LARGE1: variants seen among roughly 807,000 people sequenced by gnomAD.
LARGE1 encodes LARGE xylosyl- and glucuronyltransferase 1.
Under a neutral mutation model 87.6 loss-of-function variants are expected in LARGE1, and 43 were observed. That is an observed-to-expected ratio of 0.49 (90% confidence interval 0.38 to 0.63). The LOEUF (loss-of-function observed/expected upper bound fraction) is 0.63, where lower values mean the gene tolerates loss of function less well. Among genes scored for constraint, LARGE1 ranks in the 30% least tolerant of loss-of-function variants. The pLI, the probability that LARGE1 is intolerant of heterozygous loss-of-function variation, is 0.00. For synonymous variants in LARGE1, 434 were observed against 394.6 expected, an observed-to-expected ratio of 1.10 and a Z score of -1.18; for missense variants, 802 against 1,000.2, an observed-to-expected ratio of 0.80 and a Z score of 2.67.
chr22:33,484,581 C>T (rs2069483391), intron 6 of LARGE1, among the ~76,000 whole-genome samples: 1 of 152,212 alleles, frequency 6.6e-6, no homozygotes, highest in Admixed American at 6.5e-5. Flanking sequence ...AACTAGAATT[C>T]TGGCCTCCAT....
chr22:33,551,071 G>A (rs1202830284), intron 6 of LARGE1, among the ~76,000 whole-genome samples: 2 of 152,102 alleles, frequency 1.3e-5, no homozygotes, highest in Admixed American at 1.3e-4. Flanking sequence ...GAAAGGGGTG[G>A]ATGATGAGAA....
At chr22:33,667,552 G>A (rs2081302755) in intron 2 of LARGE1, among the ~76,000 whole-genome samples, 1 of 152,220 alleles carries the variant, frequency 6.6e-6, no homozygotes, top group Non-Finnish European at 1.5e-5. Context: ...AGCCACTGGG[G>A]CCAAGAAAAG....
chr22:33,653,698 C>T (rs1226885343), intron 2 of LARGE1, among the ~76,000 whole-genome samples: 1 of 152,124 alleles, frequency 6.6e-6, no homozygotes, highest in East Asian at 1.9e-4. Flanking sequence ...GACCCTTTCT[C>T]AGTGAGGGAA....
chr22:33,289,672 G>C (rs1197980766), intron 12 of LARGE1, among the ~76,000 whole-genome samples: 1 of 152,134 alleles, frequency 6.6e-6, no homozygotes, highest in Non-Finnish European at 1.5e-5. Flanking sequence ...GAACTTATGA[G>C]ATCTCGGTCT....
intron 11 of LARGE1, among the ~76,000 whole-genome samples, chr22:33,187,560 G>A (rs1315685067): frequency 6.6e-6 from 1 of 152,064 alleles, no homozygotes; most frequent in Non-Finnish European, 1.5e-5. Context: ...AGGGAAATAA[G>A]TTCAAGAGAT....
chr22:33,090,554 T>A, the LARGE1 span, among the ~76,000 whole-genome samples: 3 of 152,100 alleles, frequency 2.0e-5, no homozygotes, highest in Admixed American at 1.3e-4. Flanking sequence ...TGGGAATGTG[T>A]CTGAACTTTC....
At chr22:33,593,007 T>G (rs1010314787) in intron 5 of LARGE1, among the ~76,000 whole-genome samples, 1 of 152,120 alleles carries the variant, frequency 6.6e-6, no homozygotes, top group African/African-American at 2.4e-5. Flanking sequence ...ATCCGGCTAA[T>G]TTTTTGTATT....
At chr22:33,602,818 C>T (rs187183549) in intron 5 of LARGE1, among the ~76,000 whole-genome samples, 3 of 152,256 alleles carry the variant, frequency 2.0e-5, no homozygotes, top group East Asian at 1.9e-4. Flanking sequence ...CAGCACACTT[C>T]GGTGTCTTCT....
intron 11 of LARGE1, among the ~76,000 whole-genome samples, chr22:33,174,014 C>G (rs1922724181): frequency 6.6e-6 from 1 of 152,152 alleles, no homozygotes; most frequent in Non-Finnish European, 1.5e-5. Flanking sequence ...AGACAACTCT[C>G]CACCCCAAAT....
the LARGE1 span, among the ~76,000 whole-genome samples, chr22:33,124,616 T>A: frequency 2.0e-4 from 30 of 152,120 alleles, no homozygotes; most frequent in African/African-American, 7.0e-4. Context: ...TCTCTCACCA[T>A]TGCCTCATCA....
intron 1 of LARGE1, among the ~76,000 whole-genome samples, chr22:33,862,021 G>A (rs542808877): frequency 6.6e-6 from 1 of 152,030 alleles, no homozygotes; most frequent in South Asian, 2.1e-4. Flanking sequence ...ACCATGCCCG[G>A]CTCATTTTTT....
intron 9 of LARGE1, among the ~76,000 whole-genome samples, chr22:33,343,062 T>A (rs1939337886): frequency 6.6e-6 from 1 of 152,212 alleles, no homozygotes; most frequent in Admixed American, 6.5e-5. Flanking sequence ...TGCACCAACC[T>A]AAATAGCTAC....
At chr22:33,459,214 C>T (rs2068264019) in intron 6 of LARGE1, among the ~76,000 whole-genome samples, 1 of 152,026 alleles carries the variant, frequency 6.6e-6, no homozygotes, top group South Asian at 2.1e-4. Flanking sequence ...TTTTTACCTT[C>T]CATTTAACAG....
At chr22:33,693,723 C>G (rs2082164770) in intron 2 of LARGE1, among the ~76,000 whole-genome samples, 1 of 152,072 alleles carries the variant, frequency 6.6e-6, no homozygotes, top group Non-Finnish European at 1.5e-5. Flanking sequence ...GCTCAGGAGG[C>G]TGAGACAGGA....
intron 9 of LARGE1, among the ~76,000 whole-genome samples, chr22:33,356,024 T>C (rs1940858059): frequency 8.1e-6 from 1 of 122,710 alleles, no homozygotes; most frequent in African/African-American, 3.1e-5. Context: ...AGAACTCCGC[T>C]CTCCCCATCC....
intron 9 of LARGE1, among the ~76,000 whole-genome samples, chr22:33,372,071 A>T (rs182684804): frequency 1.3e-5 from 2 of 152,268 alleles, no homozygotes; most frequent in East Asian, 3.9e-4. Flanking sequence ...CATGTACTTT[A>T]AAATCATAAG....
chr22:33,130,156 T>C, the LARGE1 span, among the ~76,000 whole-genome samples: 2 of 150,868 alleles, frequency 1.3e-5, no homozygotes, highest in African/African-American at 4.9e-5. Flanking sequence ...CTACTAAAAA[T>C]ACAAAAAATT....
At chr22:33,805,656 C>T (rs367762631) in intron 1 of LARGE1, among the ~76,000 whole-genome samples, 1 of 151,962 alleles carries the variant, frequency 6.6e-6, no homozygotes, top group Admixed American at 6.6e-5. Context: ...ATTCCTTGAA[C>T]CCGGGAGGCA....
At chr22:33,365,895 C>T (rs973427926) in intron 9 of LARGE1, among the ~76,000 whole-genome samples, 5 of 152,124 alleles carry the variant, frequency 3.3e-5, no homozygotes, top group Admixed American at 1.3e-4. Flanking sequence ...GGATTACAGG[C>T]GTGAGCCACT....
Sources: gnomAD v4.1 joint callset for allele counts (sites outside exome capture counted in the v4.1 genomes callset) on GRCh38, gnomAD v4.1.1 for gene constraint, MANE v1.5 for transcripts, NCBI Gene and HGNC (gene_info 2026-07-23, HGNC 2026-07-21) for gene names.